HMBOX1: variants seen among roughly 807,000 people sequenced by gnomAD.
HMBOX1 encodes homeobox-containing protein 1.
HMBOX1 carries 14 observed loss-of-function variants against 54.5 expected under a neutral mutation model. That is an observed-to-expected ratio of 0.26 (90% CI 0.17 to 0.40). The LOEUF is 0.40. Ranked by LOEUF, HMBOX1 falls within the 10% of genes least tolerant of loss-of-function variation. HMBOX1 has a pLI of 1.00. For missense variants in HMBOX1, 332 were observed against 514.4 expected (o/e 0.65, Z 3.43); for synonymous variants, 160 against 181.0 (o/e 0.88, Z 0.93).
intron 1 of HMBOX1, among the ~76,000 whole-genome samples, chr8:28,910,922 G>A (rs866295624): frequency 5.3e-5 from 8 of 152,166 alleles, no homozygotes; most frequent in South Asian, 2.1e-4. Flanking sequence ...TGAGAGAGCA[G>A]TGACAGGGTA....
intron 4 of HMBOX1, among the ~76,000 whole-genome samples, chr8:29,001,674 C>T (rs1287350323): frequency 6.6e-6 from 1 of 152,178 alleles, no homozygotes; most frequent in Non-Finnish European, 1.5e-5. Context: ...TTGATTTGAG[C>T]ATGCATCATG....
At chr8:29,031,169 C>A (rs930169169) in intron 6 of HMBOX1, among the ~76,000 whole-genome samples, 1 of 152,142 alleles carries the variant, frequency 6.6e-6, no homozygotes, top group Admixed American at 6.5e-5. Context: ...ATTGAGCGAA[C>A]TAGCTGAGGA....
At chr8:28,963,934 T>C (rs1204369202) in intron 2 of HMBOX1, 44 bp downstream of exon 2, 5 of 1,464,440 alleles carry the variant, frequency 3.4e-6, no homozygotes, top group Non-Finnish European at 4.8e-6. Context: ...ACAATCATTT[T>C]AGTAAAGTTA....
intron 4 of HMBOX1, among the ~76,000 whole-genome samples, chr8:29,001,376 C>G (rs183128391): frequency 4.6e-5 from 7 of 152,082 alleles, no homozygotes; most frequent in Admixed American, 1.3e-4. Flanking sequence ...GTGGCAAAAC[C>G]CTGTCTCTAC....
chr8:28,913,453 T>TC (rs1369444728), intron 1 of HMBOX1, among the ~76,000 whole-genome samples: 1 of 152,142 alleles, frequency 6.6e-6, no homozygotes, highest in Non-Finnish European at 1.5e-5. Flanking sequence ...CCATCCCATT[T>TC]CCCCACTTCT....
At chr8:28,987,163 T>C (rs1225442534) in intron 4 of HMBOX1, among the ~76,000 whole-genome samples, 1 of 152,146 alleles carries the variant, frequency 6.6e-6, no homozygotes, top group East Asian at 1.9e-4. Flanking sequence ...AAAAATGATA[T>C]CCTACCACAA....
At chr8:28,920,315 A>T (rs866636894) in intron 1 of HMBOX1, among the ~76,000 whole-genome samples, 7 of 152,190 alleles carry the variant, frequency 4.6e-5, no homozygotes, top group South Asian at 2.1e-4. Flanking sequence ...AGGGCCTTGG[A>T]ATATAGTTGT....
chr8:28,893,351 C>G (rs1375681768), intron 1 of HMBOX1, among the ~76,000 whole-genome samples: 2 of 152,196 alleles, frequency 1.3e-5, no homozygotes, highest in Non-Finnish European at 2.9e-5. Flanking sequence ...GTCCAGCTTA[C>G]AATTTCATCC....
chr8:29,003,574 A>ATATATATATATATATATATT, intron 4 of HMBOX1, among the ~76,000 whole-genome samples: 1 of 139,724 alleles, frequency 7.2e-6, no homozygotes, highest in Non-Finnish European at 1.5e-5. Flanking sequence ...ATATATATAT[A>ATATATATATATATATATATT]TATGAATGCA....
At chr8:28,964,378 G>T (rs189513923) in intron 2 of HMBOX1, among the ~76,000 whole-genome samples, 6 of 152,292 alleles carry the variant, frequency 3.9e-5, no homozygotes, top group Admixed American at 1.3e-4. Context: ...TGATGTGCTA[G>T]CCTTTCTTTG....
intron 4 of HMBOX1, among the ~76,000 whole-genome samples, chr8:28,985,279 T>A (rs1829993515): frequency 6.6e-6 from 1 of 152,180 alleles, no homozygotes; most frequent in Admixed American, 6.5e-5. Context: ...TTCATTGTGT[T>A]CTCACGTAGT....
intron 1 of HMBOX1, among the ~76,000 whole-genome samples, chr8:28,934,658 G>T (rs1433621416): frequency 6.6e-6 from 1 of 152,178 alleles, no homozygotes; most frequent in Non-Finnish European, 1.5e-5. Flanking sequence ...GGGCGCGGTG[G>T]CTCACGCCTG....
intron 1 of HMBOX1, among the ~76,000 whole-genome samples, chr8:28,911,877 T>A (rs927637908): frequency 6.6e-6 from 1 of 152,122 alleles, no homozygotes; most frequent in Non-Finnish European, 1.5e-5. Context: ...GTACAGATGG[T>A]CCCCGACTTA....
chr8:28,980,196 GTC>G, intron 4 of HMBOX1, 40 bp downstream of exon 4: 1 of 1,397,364 alleles, frequency 7.2e-7, no homozygotes, highest in South Asian at 1.2e-5. Flanking sequence ...ATCATGTGTA[GTC>G]TCTGCCTTCT....
chr8:29,014,972 G>C (rs969300365), intron 5 of HMBOX1, among the ~76,000 whole-genome samples: 5 of 152,086 alleles, frequency 3.3e-5, no homozygotes, highest in Admixed American at 6.5e-5. Flanking sequence ...GAGCCACCGC[G>C]CCCGGCCTTG....
In HMBOX1 at chr8:28,937,006, G is replaced by A. The variant is rs183284732; in HGVS notation, c.-57-26805G>A. On this transcript the variant is annotated intron_variant, in intron 1 of 9. Coordinates refer to ENST00000287701, the MANE Select transcript of HMBOX1 (RefSeq NM_001135726.3). ...ATATAAGATGGTAGTATTGAAAAGAGTGAAAGAAAAAAATCAGCTGTCATC... is the reference window on the plus strand; with the variant it reads ...ATATAAGATGGTAGTATTGAAAAGAATGAAAGAAAAAAATCAGCTGTCATC... Among the ~76,000 whole-genome samples, 384 of 152,194 alleles carry A rather than the reference G, an allele frequency of 2.5e-3. 2 individuals carry two copies. The highest frequency in any genetic ancestry group is 2.7e-3 in the Non-Finnish European group (183 of 67,996).
At chr8:28,997,385 G>C (rs1311248215) in intron 4 of HMBOX1, among the ~76,000 whole-genome samples, 2 of 152,104 alleles carry the variant, frequency 1.3e-5, no homozygotes, top group Non-Finnish European at 2.9e-5. Context: ...ATTTATTGAT[G>C]TGACTGTATT....
At position 28,985,016 on chromosome 8, in the gene HMBOX1, T is replaced by C. The variant is rs1367969915; in HGVS notation, c.586+4860T>C. Among the ~76,000 whole-genome samples, 5 of 152,226 alleles carry C rather than the reference T, an allele frequency of 3.3e-5. No individual in the cohort carries two copies. In the East Asian group the frequency reaches 9.6e-4, roughly 29 times the overall value. On this transcript the variant is annotated intron_variant, in intron 4 of 9. Transcript: ENST00000287701. ...TGAAGAAGTAACAGAATCTCAATGT[T>C]CTGGTCTTTCTGCCATAAAATAGCC... is the stretch of plus-strand genomic sequence containing the variant.
chr8:28,891,311 G>C (rs193060696), intron 1 of HMBOX1: 8 of 152,466 alleles, frequency 5.2e-5, no homozygotes, highest in African/African-American at 1.9e-4. Context: ...CCAAACTCCA[G>C]CCACGAGAAC....
Sources: gnomAD v4.1 joint callset for allele counts (sites outside exome capture counted in the v4.1 genomes callset) on GRCh38, gnomAD v4.1.1 for gene constraint, MANE v1.5 for transcripts, NCBI Gene and HGNC (gene_info 2026-07-23, HGNC 2026-07-21) for gene names.